The following UBE2L3 variants were observed in gnomAD, a reference collection of about 807,000 sequenced individuals.
UBE2L3 encodes the protein ubiquitin-conjugating enzyme E2 L3.
A neutral mutation model predicts 17.8 loss-of-function variants in UBE2L3; 1 was observed. That is an observed-to-expected ratio of 0.06 (90% confidence interval 0.02 to 0.27). The LOEUF (loss-of-function observed/expected upper bound fraction) is 0.27. Among genes scored for constraint, UBE2L3 ranks in the 10% least tolerant of loss-of-function variants. UBE2L3 has a pLI of 1.00. For synonymous variants in UBE2L3, 44 were observed against 68.5 expected (o/e 0.64, Z 1.76); for missense variants, 40 against 192.6 (o/e 0.21, Z 4.69).
At chr22:21,583,559 C>T (rs974754144) in intron 1 of UBE2L3, among the ~76,000 whole-genome samples, 2 of 152,298 alleles carry the variant, frequency 1.3e-5, no homozygotes, top group East Asian at 1.9e-4. Flanking sequence ...TTCTTCTGCA[C>T]GTCTGTTCAC....
chr22:21,560,313 T>C (rs1336981238), intron 1 of UBE2L3, among the ~76,000 whole-genome samples: 1 of 152,224 alleles, frequency 6.6e-6, no homozygotes, highest in Admixed American at 6.5e-5. Flanking sequence ...CCCTGAGCCT[T>C]TGAACAAGCA....
intron 3 of UBE2L3, among the ~76,000 whole-genome samples, chr22:21,621,237 G>T (rs1458254395): frequency 1.3e-5 from 2 of 152,198 alleles, no homozygotes; most frequent in Non-Finnish European, 2.9e-5. Flanking sequence ...CCAGGTGTTA[G>T]GTCAGGAAGG....
chr22:21,608,599 A>C (rs1201757374), intron 2 of UBE2L3, among the ~76,000 whole-genome samples: 1 of 151,464 alleles, frequency 6.6e-6, no homozygotes, highest in Non-Finnish European at 1.5e-5. Flanking sequence ...ATTTTTTTGT[A>C]TTTTTAGTAG....
rs1478524019 is a variant in UBE2L3 at position 21,610,801 on chromosome 22, T to C, written c.124-56T>C. ...GATAAACAATTAAAACATTCCTGTC[T>C]TGGCCATAGGTTTATGAACCATGGT... On this transcript the variant is annotated intron_variant, in intron 2 of 3. Transcript: ENST00000342192. 15 of 1,466,122 alleles carry C rather than the reference T, an allele frequency of 1.0e-5. 1 individual carries two copies. The East Asian group carries it at 3.4e-4, about 33-fold the overall frequency. The allele number at this position is 1,466,122 out of a possible 1,614,324, so 90.8% of individuals were successfully genotyped here. A position where few individuals can be genotyped will look rare whatever the true frequency, so the allele number is the denominator to read the frequency against.
At chr22:21,559,072 C>T (rs1926339727) in intron 1 of UBE2L3, among the ~76,000 whole-genome samples, 2 of 151,526 alleles carry the variant, frequency 1.3e-5, no homozygotes, top group East Asian at 2.0e-4. Context: ...TGAAGCTGGA[C>T]ATGGTGGCCC....
chr22:21,567,784 C>T lies in UBE2L3; in HGVS notation c.27+13C>T. The T allele has an allele frequency of 6.3e-7, 1 of 1,578,984 alleles. No individual in the cohort carries two copies. Among genetic ancestry groups the T allele is most frequent in the Non-Finnish European group, 8.6e-7 (1 of 1,163,664 alleles). On this transcript the variant is annotated intron_variant, in intron 1 of 3. Coordinates refer to ENST00000342192, the MANE Select transcript of UBE2L3 (RefSeq NM_003347.4). ...GAGGCTGATGAAGGTAAAAGCCATT[C>T]TCTGGCAGCGGCCGGGCGTGGGGCG...
intron 1 of UBE2L3, among the ~76,000 whole-genome samples, chr22:21,583,855 G>A (rs531453606): frequency 9.2e-5 from 14 of 152,146 alleles, no homozygotes; most frequent in Non-Finnish European, 1.9e-4. Flanking sequence ...TGAATCCTTT[G>A]CAGGTGAACT....
upstream of UBE2L3, among the ~76,000 whole-genome samples, chr22:21,565,095 A>C (rs551224330): frequency 6.6e-6 from 1 of 151,390 alleles, no homozygotes; most frequent in African/African-American, 2.4e-5. Context: ...ATATATATCT[A>C]TATATATATA....
intron 1 of UBE2L3, among the ~76,000 whole-genome samples, chr22:21,582,359 G>T (rs1357375930): frequency 1.1e-4 from 15 of 138,530 alleles, no homozygotes; most frequent in East Asian, 4.2e-4. Context: ...TTTTGTTGTT[G>T]TTTTTTTTTT....
intron 1 of UBE2L3, among the ~76,000 whole-genome samples, chr22:21,576,325 T>C (rs1013784561): frequency 6.6e-6 from 1 of 150,632 alleles, no homozygotes; most frequent in African/African-American, 2.4e-5. Flanking sequence ...TGAGATGGAA[T>C]CTTGCTCTGG....
chr22:21,616,686 G>A (rs951299841), intron 3 of UBE2L3, among the ~76,000 whole-genome samples: 24 of 150,648 alleles, frequency 1.6e-4, no homozygotes, highest in East Asian at 9.8e-4. Flanking sequence ...TTAGCCAGGC[G>A]TGGTGACAGG....
intron 1 of UBE2L3, among the ~76,000 whole-genome samples, chr22:21,573,561 A>G (rs1466745909): frequency 3.3e-5 from 5 of 152,000 alleles, no homozygotes; most frequent in Admixed American, 3.3e-4. Flanking sequence ...CTTGCAGGAG[A>G]GGGAAAGACC....
At chr22:21,613,088 C>T (rs1370535022) in intron 3 of UBE2L3, among the ~76,000 whole-genome samples, 1 of 152,160 alleles carries the variant, frequency 6.6e-6, no homozygotes, top group Non-Finnish European at 1.5e-5. Flanking sequence ...GGCCAGGTTG[C>T]CCAGGAAAGC....
intron 3 of UBE2L3, among the ~76,000 whole-genome samples, chr22:21,614,222 C>T (rs1316559539): frequency 6.6e-6 from 1 of 152,190 alleles, no homozygotes; most frequent in Admixed American, 6.5e-5. Flanking sequence ...TGTTCAGCTG[C>T]CACTGTCCTG....
chr22:21,573,243 ACT>A (rs1232323756), intron 1 of UBE2L3, among the ~76,000 whole-genome samples: 2 of 151,716 alleles, frequency 1.3e-5, no homozygotes, highest in African/African-American at 4.8e-5. Context: ...TGAGGCTGGG[ACT>A]CTGGATTACA....
intron 1 of UBE2L3, among the ~76,000 whole-genome samples, chr22:21,592,453 C>T (rs1928315877): frequency 6.6e-6 from 1 of 152,200 alleles, no homozygotes. Flanking sequence ...ATAATCAGTG[C>T]TTAATGAATC....
intron 1 of UBE2L3, among the ~76,000 whole-genome samples, chr22:21,561,531 A>G (rs1338449818): frequency 1.3e-5 from 2 of 152,280 alleles, no homozygotes; most frequent in Non-Finnish European, 2.9e-5. Flanking sequence ...GCACTGAGCC[A>G]TGATCACACC....
chr22:21,610,803 G>A, intron 2 of UBE2L3, 54 bp from the exon 3 acceptor site: 6 of 1,472,324 alleles, frequency 4.1e-6, no homozygotes, highest in Non-Finnish European at 5.4e-6. Flanking sequence ...TTCCTGTCTT[G>A]GCCATAGGTT....
In UBE2L3 at chr22:21,594,693, T is replaced by A. The variant is rs113155352; in HGVS notation, c.123+1737T>A. On this transcript the variant is annotated intron_variant, in intron 2 of 3. Coordinates refer to ENST00000342192, the MANE Select transcript of UBE2L3 (RefSeq NM_003347.4). ...TGAGTCCTTTAGATTTCTTTAGGCT[T>A]GATGGTGTTAGGGCTCAGGGCAAAG... is the stretch of plus-strand genomic sequence containing the variant. 8.5e-4 allele frequency among the ~76,000 whole-genome samples: 130 copies of A among 152,212 alleles called. 3 individuals are homozygous for A. The highest frequency in any genetic ancestry group is 3.0e-3 in the African/African-American group (126 of 41,544).
Sources: gnomAD v4.1 joint callset for allele counts (sites outside exome capture counted in the v4.1 genomes callset) on GRCh38, gnomAD v4.1.1 for gene constraint, MANE v1.5 for transcripts, NCBI Gene and HGNC (gene_info 2026-07-23, HGNC 2026-07-21) for gene names.